The following TRIO variants were observed in gnomAD, a reference collection of about 807,000 sequenced individuals.
TRIO encodes the protein trio Rho guanine nucleotide exchange factor.
A neutral mutation model predicts 351.9 loss-of-function variants in TRIO; 58 were observed. That is an observed-to-expected ratio of 0.16 (90% CI 0.13 to 0.21). The LOEUF is 0.21. Ranked by LOEUF, TRIO falls within the 10% of genes least tolerant of loss-of-function variation. The pLI is 1.00. For synonymous variants in TRIO, 1,758 were observed against 1,595.7 expected, an observed-to-expected ratio of 1.10 and a Z score of -2.42; for missense variants, 3,201 against 4,027.8, an observed-to-expected ratio of 0.79 and a Z score of 5.56.
intron 56 of TRIO, among the ~76,000 whole-genome samples, chr5:14,507,659 A>G (rs1757802485): frequency 6.6e-6 from 1 of 152,116 alleles, no homozygotes; most frequent in Admixed American, 6.5e-5. Context: ...AGATCTCCAA[A>G]GAGAGCTGCC....
chr5:14,144,538 T>C (rs919325606), intron 1 of TRIO, among the ~76,000 whole-genome samples: 2 of 151,960 alleles, frequency 1.3e-5, no homozygotes, highest in Admixed American at 6.5e-5. Context: ...CGGTGAGCCA[T>C]TGTCTCCGGG....
At chr5:14,182,739 C>A (rs145406304) in intron 1 of TRIO, among the ~76,000 whole-genome samples, 2 of 152,244 alleles carry the variant, frequency 1.3e-5, no homozygotes, top group Non-Finnish European at 2.9e-5. Context: ...TAAGAATTCC[C>A]TTAATTTCTC....
intron 16 of TRIO, among the ~76,000 whole-genome samples, chr5:14,367,976 C>T (rs769945599): frequency 3.9e-5 from 6 of 152,066 alleles, no homozygotes; most frequent in Non-Finnish European, 8.8e-5. Flanking sequence ...CTTCTTCAGG[C>T]GAAATGAGAG....
At chr5:14,465,038 G>A (rs1025409957) in intron 36 of TRIO, among the ~76,000 whole-genome samples, 6 of 152,038 alleles carry the variant, frequency 3.9e-5, no homozygotes, top group African/African-American at 1.2e-4. Context: ...TCTGGTCACC[G>A]CACCCCGTTC....
intron 3 of TRIO, among the ~76,000 whole-genome samples, chr5:14,282,454 A>G (rs778383178): frequency 2.0e-5 from 3 of 152,200 alleles, no homozygotes; most frequent in Non-Finnish European, 4.4e-5. Context: ...AACTTTGACA[A>G]CTTGCTTTTT....
chr5:14,270,971 A>G, intron 2 of TRIO, 72 bp downstream of exon 2: 1 of 1,042,816 alleles, frequency 9.6e-7, no homozygotes, highest in Non-Finnish European at 1.5e-6. Context: ...GTAATAAATG[A>G]ACTCACCTGC....
At chr5:14,401,443 C>T (rs1362374030) in intron 31 of TRIO, among the ~76,000 whole-genome samples, 1 of 152,166 alleles carries the variant, frequency 6.6e-6, no homozygotes, top group Non-Finnish European at 1.5e-5. Flanking sequence ...AGGAAAAAGT[C>T]ACCTGGTGCG....
At chr5:14,185,728 C>G (rs1389575485) in intron 1 of TRIO, among the ~76,000 whole-genome samples, 4 of 152,182 alleles carry the variant, frequency 2.6e-5, no homozygotes, top group Non-Finnish European at 5.9e-5. Context: ...CTTGGCTTGC[C>G]CCTCTTACAG....
chr5:14,468,968 A>G (rs1754479438), intron 37 of TRIO, among the ~76,000 whole-genome samples: 1 of 152,186 alleles, frequency 6.6e-6, no homozygotes. Flanking sequence ...GCAGCTGGTT[A>G]TTTTAAAGGC....
intron 5 of TRIO, among the ~76,000 whole-genome samples, chr5:14,291,646 G>A (rs541367035): frequency 4.6e-5 from 7 of 151,696 alleles, no homozygotes; most frequent in African/African-American, 9.7e-5. Context: ...AAAATTAGCC[G>A]GGTGTGGTGG....
chr5:14,447,741 T>G (rs1259435062), intron 34 of TRIO, among the ~76,000 whole-genome samples: 1 of 152,242 alleles, frequency 6.6e-6, no homozygotes, highest in Non-Finnish European at 1.5e-5. Context: ...TTATGAAGAA[T>G]ACACTTCCAT....
chr5:14,176,539 G>A (rs1245220788), intron 1 of TRIO, among the ~76,000 whole-genome samples: 1 of 151,982 alleles, frequency 6.6e-6, no homozygotes, highest in East Asian at 1.9e-4. Context: ...CTGCAGCCTC[G>A]ATTTTCTGGG....
At chr5:14,249,425 C>T (rs1004930474) in intron 1 of TRIO, among the ~76,000 whole-genome samples, 2 of 152,168 alleles carry the variant, frequency 1.3e-5, no homozygotes, top group African/African-American at 2.4e-5. Flanking sequence ...ATCATTACTT[C>T]AGCTTGAAAG....
chr5:14,233,254 G>A (rs1223968643), intron 1 of TRIO, among the ~76,000 whole-genome samples: 2 of 149,942 alleles, frequency 1.3e-5, no homozygotes, highest in Non-Finnish European at 3.0e-5. Context: ...GCCAAGGCAA[G>A]TGGATCACTT....
At chr5:14,180,094 C>T (rs1167388303) in intron 1 of TRIO, among the ~76,000 whole-genome samples, 2 of 101,234 alleles carry the variant, frequency 2.0e-5, no homozygotes, top group Admixed American at 1.1e-4. Flanking sequence ...GAGCAGGACT[C>T]CTGCTCAAAA....
intron 1 of TRIO, among the ~76,000 whole-genome samples, chr5:14,159,812 G>A (rs185193298): frequency 2.6e-5 from 4 of 152,200 alleles, no homozygotes; most frequent in Non-Finnish European, 4.4e-5. Flanking sequence ...TGATCTGCCC[G>A]CCTCGGCCTC....
chr5:14,301,579 A>ATG (rs1737886219), intron 7 of TRIO, among the ~76,000 whole-genome samples: 1 of 152,070 alleles, frequency 6.6e-6, no homozygotes. Context: ...GGTAACACAT[A>ATG]TGTGTGTGTA....
At chr5:14,356,865 A>AC (rs1374890667) in intron 11 of TRIO, among the ~76,000 whole-genome samples, 8 of 37,992 alleles carry the variant, frequency 2.1e-4, no homozygotes, top group Admixed American at 1.4e-3. Context: ...GAAGCTGGAC[A>AC]GAAAAAAAAA....
chr5:14,293,979 C>A (rs764425234), intron 6 of TRIO, among the ~76,000 whole-genome samples: 2 of 149,788 alleles, frequency 1.3e-5, no homozygotes, highest in Non-Finnish European at 3.0e-5. Context: ...CAATATGAAC[C>A]GGCCTGGGCA....
Sources: allele counts gnomAD v4.1 joint callset (sites outside exome capture counted in the v4.1 genomes callset), GRCh38; gene constraint gnomAD v4.1.1; transcripts MANE v1.5; gene names NCBI Gene and HGNC (gene_info 2026-07-23, HGNC 2026-07-21).